The following CCZ1B variants were observed in gnomAD, a reference collection of about 807,000 sequenced individuals.
The protein encoded by CCZ1B is CCZ1B vacuolar protein trafficking and biogenesis associated, also known as vacuolar fusion protein CCZ1 homolog B.
In CCZ1B, 25 loss-of-function variants were observed where a neutral mutation model predicts 58.8. That is an observed-to-expected ratio of 0.43 (90% CI 0.31 to 0.59). CCZ1B has a LOEUF of 0.59. Ranked by LOEUF, CCZ1B falls within the 20% of genes least tolerant of loss-of-function variation. The probability of loss-of-function intolerance (pLI) is 0.12; values close to 1 mark genes in which losing one functional copy is unlikely to be tolerated. For missense variants in CCZ1B, 180 were observed against 501.5 expected (o/e 0.36, Z 6.12); for synonymous variants, 66 against 173.2 (o/e 0.38, Z 4.86).
chr7:6,813,140 C>T (rs1417181712), intron 8 of CCZ1B, 103 bp from the exon 9 acceptor site: 1 of 1,272,536 alleles, frequency 7.9e-7, no homozygotes, highest in East Asian at 2.3e-5. Context: ...TGCCATTTGT[C>T]TTTTTCTTTT....
At chr7:6,816,178 C>T (rs1782996652) in intron 7 of CCZ1B, among the ~76,000 whole-genome samples, 1 of 147,782 alleles carries the variant, frequency 6.8e-6, no homozygotes, top group Middle Eastern at 3.2e-3. Context: ...TATTCAAGAT[C>T]ACTGAAATAC....
At chr7:6,800,706 T>A (rs546456305) in intron 14 of CCZ1B, among the ~76,000 whole-genome samples, 1 of 144,258 alleles carries the variant, frequency 6.9e-6, no homozygotes, top group Admixed American at 7.0e-5. Context: ...AAAGTCATTT[T>A]TTTTTTTTTT....
chr7:6,817,312 C>G (rs7808525), intron 7 of CCZ1B, among the ~76,000 whole-genome samples: 32,744 of 149,788 alleles, frequency 0.22, 721 homozygotes, highest in South Asian at 0.38. Flanking sequence ...CAGGGTCTCC[C>G]AGAATGAGCT....
intron 7 of CCZ1B, among the ~76,000 whole-genome samples, chr7:6,818,677 GAAAGAAAGAAAGAAAGACAAGA>G (rs1783055645): frequency 1.3e-5 from 1 of 77,656 alleles, no homozygotes; most frequent in South Asian, 5.8e-4. Context: ...CAGAAAGAAA[GAAAGAAAGAAAGAAAGACAAGA>G]AAGAAAGAAA....
Position 6,815,651 on chromosome 7 carries a change from C to A in CCZ1B, c.699-806G>T, listed in dbSNP as rs140927778. Among the ~76,000 whole-genome samples, 15 of 148,832 alleles carry A rather than the reference C, an allele frequency of 1.0e-4. 4 individuals carry two copies. The highest frequency in any genetic ancestry group is 3.6e-4 in the African/African-American group (14 of 39,260). ...TATATCAAGAGGCTCACCACCTGACCGCGAAGTTAAGGAAGGTAAAGAGTT... is the reference window on the plus strand; with the variant it reads ...TATATCAAGAGGCTCACCACCTGACAGCGAAGTTAAGGAAGGTAAAGAGTT... On this transcript the variant is annotated intron_variant, in intron 7 of 14. Coordinates refer to ENST00000316731, the MANE Select transcript of CCZ1B (RefSeq NM_198097.5).
intron 7 of CCZ1B, among the ~76,000 whole-genome samples, chr7:6,817,137 GA>G (rs1783016373): frequency 6.6e-6 from 1 of 152,274 alleles, no homozygotes; most frequent in South Asian, 2.1e-4. Context: ...GAGCACACTG[GA>G]GGTGACAACC....
chr7:6,819,915 T>A lies in CCZ1B; in HGVS notation c.549A>T (p.Ser183=), dbSNP rs1298385309. The A allele has an allele frequency of 1.9e-6, 3 of 1,605,706 alleles. No homozygotes were observed. Among genetic ancestry groups the A allele is most frequent in the Non-Finnish European group, 2.5e-6 (3 of 1,176,980 alleles). The stretch of plus-strand genomic sequence containing the variant: ...CACCAAAAATGTCAAGTAGGTCACA[T>A]GACTGCAAATGTAGCGTTTGCAAAT... The part of the protein sequence containing the change: ...HRYLQTLHLQ[S]CDLLDIFGGI... The change falls in exon 7 of 15, where the codon TCA becomes TCT. Residue 183 remains serine, a synonymous_variant. Coordinates refer to ENST00000316731, the MANE Select transcript of CCZ1B (RefSeq NM_198097.5).
At position 6,812,401 on chromosome 7, in the gene CCZ1B, A is replaced by C. The variant is rs1408368487; in HGVS notation, c.843-338T>G. The C allele has an allele frequency of 9.2e-6, 3 of 325,578 alleles. No individual in the cohort carries two copies. In the Admixed American group the frequency reaches 1.5e-4, roughly 16 times the overall value. 20.2% of individuals were successfully genotyped at this position (325,578 alleles called of 1,614,324 possible). On this transcript the variant is annotated intron_variant, in intron 9 of 14. Coordinates refer to ENST00000316731, the MANE Select transcript of CCZ1B (RefSeq NM_198097.5). ...CTACTAGAGAGGCTGAGGCAGGGGA[A>C]TTGCTTGAACCCAGGAGATGGAGGC...
intron 9 of CCZ1B, 77 bp downstream of exon 9, chr7:6,812,899 C>G (rs1326626339): frequency 6.5e-7 from 1 of 1,543,534 alleles, no homozygotes; most frequent in African/African-American, 1.5e-5. Context: ...TGCTCTCCAG[C>G]CTGGGTAACA....
chr7:6,820,105 T>C (rs1307290335), intron 6 of CCZ1B, among the ~76,000 whole-genome samples, 164 bp from the exon 7 acceptor site: 1 of 147,098 alleles, frequency 6.8e-6, no homozygotes, highest in Non-Finnish European at 1.5e-5. Flanking sequence ...TGACTGAGTG[T>C]CAACTCAGTA....
chr7:6,813,915 G>A (rs568064392), intron 8 of CCZ1B, among the ~76,000 whole-genome samples: 5 of 149,246 alleles, frequency 3.4e-5, no homozygotes, highest in East Asian at 3.9e-4. Context: ...GGAAGCTGAC[G>A]CAGGTCAATC....
intron 7 of CCZ1B, among the ~76,000 whole-genome samples, chr7:6,818,743 G>A (rs1013356815): frequency 2.7e-5 from 4 of 147,616 alleles, no homozygotes; most frequent in African/African-American, 1.0e-4. Flanking sequence ...AAGAAAGAGG[G>A]CTCTAGTCAA....
At chr7:6,820,353 C>A (rs1440794304) in intron 6 of CCZ1B, among the ~76,000 whole-genome samples, 1 of 148,940 alleles carries the variant, frequency 6.7e-6, no homozygotes, top group Non-Finnish European at 1.5e-5. Flanking sequence ...TATTTTTTTC[C>A]ATTTTTAGTA....
Position 6,819,961 on chromosome 7 carries a change from C to T in CCZ1B, c.523-20G>A. 6.2e-7 allele frequency: 1 copy of T among 1,605,534 alleles called. No homozygotes were observed. On this transcript the variant is annotated intron_variant, in intron 6 of 14. Transcript: ENST00000316731. ...CAAATACTGTGGAAAAAAAATAAGG[C>T]ATAAAATTTACTAATAGTACACTGA...
chr7:6,822,008 AC>A (rs1211753964), intron 6 of CCZ1B, among the ~76,000 whole-genome samples: 1 of 149,448 alleles, frequency 6.7e-6, no homozygotes, highest in African/African-American at 2.5e-5. Context: ...TGCAGGTAAA[AC>A]ACAGGGAGGC....
At chr7:6,809,669 CA>C (rs781568162) in intron 10 of CCZ1B, among the ~76,000 whole-genome samples, 1 of 122,760 alleles carries the variant, frequency 8.1e-6, no homozygotes. Flanking sequence ...GCTCTGCCTG[CA>C]ATCTCCCCTT....
chr7:6,810,411 T>C (rs1782901425), intron 10 of CCZ1B, among the ~76,000 whole-genome samples: 1 of 149,336 alleles, frequency 6.7e-6, no homozygotes, highest in African/African-American at 2.5e-5. Context: ...AAGTCTCTCT[T>C]CCACTGTCAC....
At chr7:6,822,733 T>TCA (rs1554259555) in intron 5 of CCZ1B, among the ~76,000 whole-genome samples, 2 of 97,502 alleles carry the variant, frequency 2.1e-5, no homozygotes, top group Admixed American at 1.1e-4. Context: ...AGATGGAATC[T>TCA]CGCTGTTGCC....
Position 6,824,507 on chromosome 7 carries a change from T to C in CCZ1B, c.260A>G (p.Gln87Arg). The change falls in exon 3 of 15, where the codon CAG (glutamine) becomes CGG (arginine). Residue 87 changes from glutamine to arginine, a missense_variant. Coordinates refer to ENST00000316731, the MANE Select transcript of CCZ1B (RefSeq NM_198097.5). ...TTCATTGAAGAACTGTCTGTTCTTCTGTGTATGTAAAGATTTTGCAGGTTT... is the reference window on the plus strand; with the variant it reads ...TTCATTGAAGAACTGTCTGTTCTTCCGTGTATGTAAAGATTTTGCAGGTTT... ...PSKPAKSLHT[Q>R]KNRQFFNEPE... 1 of 1,608,510 alleles carries C rather than the reference T, an allele frequency of 6.2e-7. No individual in the cohort carries two copies. Among genetic ancestry groups the C allele is most frequent in the Non-Finnish European group, 8.5e-7 (1 of 1,179,044 alleles).
Sources: gnomAD v4.1 joint callset for allele counts (sites outside exome capture counted in the v4.1 genomes callset) on GRCh38, gnomAD v4.1.1 for gene constraint, MANE v1.5 for transcripts, NCBI Gene and HGNC (gene_info 2026-07-23, HGNC 2026-07-21) for gene names.